Variants in LIMCH1 observed in about 807,000 individuals in gnomAD.
LIMCH1 encodes LIM and calponin homology domains-containing protein 1.
LIMCH1 carries 113 observed loss-of-function variants against 176.5 expected under a neutral mutation model. That is an observed-to-expected ratio of 0.64 (90% confidence interval 0.55 to 0.75). The LOEUF (loss-of-function observed/expected upper bound fraction) is 0.75, where lower values mean the gene tolerates loss of function less well. Among genes scored for constraint, LIMCH1 ranks in the 30% least tolerant of loss-of-function variants. The pLI, the probability that LIMCH1 is intolerant of heterozygous loss-of-function variation, is 0.00. For missense variants in LIMCH1, 1,674 were observed against 1,814.9 expected, an observed-to-expected ratio of 0.92 and a Z score of 1.41; for synonymous variants, 619 against 645.9, an observed-to-expected ratio of 0.96 and a Z score of 0.63.
Position 41,699,768 on chromosome 4 carries a change from C to T in LIMCH1, c.*2583C>T, listed in dbSNP as rs1366131814. 2.6e-5 allele frequency: 4 copies of T among 151,988 alleles called. No individual in the cohort carries two copies. Among genetic ancestry groups the T allele is most frequent in the African/African-American group, 9.7e-5 (4 of 41,380 alleles). The allele number at this position is 151,988 out of a possible 1,614,324, so 9.4% of individuals were successfully genotyped here. On this transcript the variant is annotated 3_prime_UTR_variant, in exon 32 of 32. Transcript: ENST00000503057. Reference sequence around the variant, plus strand: ...CACTAGCGAACTTCCATGACATTTCCTTTCTATGTAGTGTGATTAATGCAA... The same window carrying T: ...CACTAGCGAACTTCCATGACATTTCTTTTCTATGTAGTGTGATTAATGCAA...
rs137923386 is a variant in LIMCH1 at position 41,433,955 on chromosome 4, G to A, written c.97-60581G>A. 6.5e-3 allele frequency among the ~76,000 whole-genome samples: 986 copies of A among 152,278 alleles called. 6 individuals are homozygous for A. Among genetic ancestry groups the A allele is most frequent in the Middle Eastern group, 0.031 (9 of 294 alleles). On this transcript the variant is annotated intron_variant, in intron 1 of 26. Coordinates refer to the LIMCH1 transcript ENST00000313860. ...CTTAGCTGGTGGGAACACCAAGGGC[G>A]GAGGAGAGTTTTGTCCCACTTTCTT...
chr4:41,620,903 G>A (rs529436375), intron 7 of LIMCH1, among the ~76,000 whole-genome samples: 1 of 152,362 alleles, frequency 6.6e-6, no homozygotes, highest in Non-Finnish European at 1.5e-5. Flanking sequence ...AAGGTGAAGA[G>A]TGAGCTCCTC....
At chr4:41,565,384 TACACACACACACAG>T (rs2082614200) in intron 1 of LIMCH1, among the ~76,000 whole-genome samples, 3 of 100,324 alleles carry the variant, frequency 3.0e-5, no homozygotes, top group African/African-American at 1.0e-4. Context: ...CACACACACA[TACACACACACACAG>T]ACACACACAC....
intron 1 of LIMCH1, among the ~76,000 whole-genome samples, chr4:41,581,577 C>T (rs1254174333): frequency 2.6e-5 from 4 of 151,968 alleles, no homozygotes; most frequent in Non-Finnish European, 4.4e-5. Flanking sequence ...GAGGCCAAGG[C>T]GGGTGGATCC....
intron 18 of LIMCH1, among the ~76,000 whole-genome samples, chr4:41,654,973 G>A (rs1462692749): frequency 1.3e-5 from 2 of 151,956 alleles, no homozygotes; most frequent in Non-Finnish European, 2.9e-5. Context: ...TCATGTTATA[G>A]CACACAAGCA....
chr4:41,584,107 A>T (rs924021805), intron 1 of LIMCH1, among the ~76,000 whole-genome samples: 1 of 152,160 alleles, frequency 6.6e-6, no homozygotes, highest in Non-Finnish European at 1.5e-5. Flanking sequence ...CACATGCCTG[A>T]CCTGGACTAT....
intron 1 of LIMCH1, among the ~76,000 whole-genome samples, chr4:41,462,331 G>A (rs2065492513): frequency 6.6e-6 from 1 of 152,138 alleles, no homozygotes; most frequent in South Asian, 2.1e-4. Context: ...ATCTCTCTGG[G>A]AGAAAAATCT....
At chr4:41,430,170 A>C (rs543397536) in intron 1 of LIMCH1, among the ~76,000 whole-genome samples, 3 of 152,316 alleles carry the variant, frequency 2.0e-5, no homozygotes, top group Non-Finnish European at 4.4e-5. Context: ...TAGAGAAATT[A>C]TATTTTTTGG....
intron 1 of LIMCH1, among the ~76,000 whole-genome samples, chr4:41,392,894 T>G (rs2057399559): frequency 6.6e-6 from 1 of 152,050 alleles, no homozygotes. Flanking sequence ...TAGCCTGGCA[T>G]GGTGGTGCAT....
At chr4:41,681,409 C>G (rs1048212818) in intron 25 of LIMCH1, among the ~76,000 whole-genome samples, 14 of 152,186 alleles carry the variant, frequency 9.2e-5, no homozygotes, top group Non-Finnish European at 1.8e-4. Flanking sequence ...TTCATTCATT[C>G]AATATATATT....
chr4:41,538,355 G>A lies in LIMCH1; in HGVS notation c.-241+5G>A, dbSNP rs1583686824. On this transcript the variant is annotated splice_donor_5th_base_variant and intron_variant, in intron 1 of 31. Coordinates refer to ENST00000503057, the MANE Select transcript of LIMCH1 (RefSeq NM_001330672.2). Reference sequence around the variant, plus strand: ...GGAGCATGAGGACGTGTGGGGGTAAGTAAAATTCATTATAAAAGAAATACA... The same window carrying A: ...GGAGCATGAGGACGTGTGGGGGTAAATAAAATTCATTATAAAAGAAATACA... 1.0e-6 allele frequency: 1 copy of A among 985,170 alleles called. No homozygotes were observed. Among genetic ancestry groups the A allele is most frequent in the African/African-American group, 1.7e-5 (1 of 57,300 alleles). 61.0% of individuals were successfully genotyped at this position (985,170 alleles called of 1,614,324 possible). A position where few individuals can be genotyped will look rare whatever the true frequency, so the allele number is the denominator to read the frequency against.
chr4:41,458,178 A>G (rs2064845723), intron 1 of LIMCH1, among the ~76,000 whole-genome samples: 1 of 152,188 alleles, frequency 6.6e-6, no homozygotes, highest in Non-Finnish European at 1.5e-5. Context: ...AATTTTTAAA[A>G]AAATGGATGC....
At chr4:41,667,982 AAT>A (rs1330775249) in intron 21 of LIMCH1, among the ~76,000 whole-genome samples, 8 of 151,830 alleles carry the variant, frequency 5.3e-5, no homozygotes, top group African/African-American at 1.9e-4. Flanking sequence ...AAAAAAAAAA[AAT>A]TTTAAATATA....
intron 1 of LIMCH1, among the ~76,000 whole-genome samples, chr4:41,449,698 T>G (rs2063653877): frequency 6.6e-6 from 1 of 152,212 alleles, no homozygotes; most frequent in Admixed American, 6.5e-5. Context: ...TGAAGTAACT[T>G]GAACCTCAGA....
At chr4:41,593,975 A>G (rs58555585) in intron 1 of LIMCH1, among the ~76,000 whole-genome samples, 1 of 151,638 alleles carries the variant, frequency 6.6e-6, no homozygotes, top group Non-Finnish European at 1.5e-5. Flanking sequence ...ATATATATAC[A>G]TGCATACTTT....
At chr4:41,459,575 T>A (rs754980033) in intron 1 of LIMCH1, among the ~76,000 whole-genome samples, 8 of 152,160 alleles carry the variant, frequency 5.3e-5, no homozygotes, top group African/African-American at 1.9e-4. Flanking sequence ...GGGTTGGGAT[T>A]ATAGGTGTGA....
intron 2 of LIMCH1, among the ~76,000 whole-genome samples, chr4:41,508,472 G>C (rs779523094): frequency 6.6e-6 from 1 of 152,124 alleles, no homozygotes; most frequent in African/African-American, 2.4e-5. Flanking sequence ...GGGGATGAGG[G>C]CCTGGCTCTT....
At chr4:41,654,149 T>C (rs962625366) in intron 18 of LIMCH1, among the ~76,000 whole-genome samples, 8 of 152,204 alleles carry the variant, frequency 5.3e-5, no homozygotes, top group Non-Finnish European at 8.8e-5. Flanking sequence ...TGACTTAGGA[T>C]GGTTCACCTT....
At chr4:41,403,855 C>T (rs75832927) in intron 1 of LIMCH1, among the ~76,000 whole-genome samples, 2,743 of 152,266 alleles carry the variant, frequency 0.018, 83 homozygotes, top group African/African-American at 0.062. Flanking sequence ...AACCACCTTC[C>T]GTTTTCTCCC....
Sources: allele counts gnomAD v4.1 joint callset (sites outside exome capture counted in the v4.1 genomes callset), GRCh38; gene constraint gnomAD v4.1.1; transcripts MANE v1.5; gene names NCBI Gene and HGNC (gene_info 2026-07-23, HGNC 2026-07-21).